Variants in SH3BGRL2 observed in about 807,000 individuals in gnomAD.
SH3BGRL2 encodes the protein SH3 domain-binding glutamic acid-rich-like protein 2.
In SH3BGRL2, 21 loss-of-function variants were observed where a neutral mutation model predicts 14.8. That is an observed-to-expected ratio of 1.42 (90% confidence interval 1.01 to 2.05). The LOEUF (loss-of-function observed/expected upper bound fraction) is 2.05, where lower values mean the gene tolerates loss of function less well. SH3BGRL2 is among the 30% of genes most tolerant of loss of function. The probability of loss-of-function intolerance (pLI) is 0.00; values close to 1 mark genes in which losing one functional copy is unlikely to be tolerated. For synonymous variants in SH3BGRL2, 50 were observed against 47.8 expected (o/e 1.05, Z -0.19); for missense variants, 147 against 130.8 (o/e 1.12, Z -0.61).
rs549206150 is a variant in SH3BGRL2, at chr6:79,684,793, GAGA to G, written c.231+10997_231+10999del. On this transcript the variant is annotated intron_variant, in intron 2 of 3. Transcript: ENST00000369838. ...CTATCCCACAGGTAGCATTTTCTTA[GAGA>G]AGTTTATCTGCATTTGAAAATCTGT... Among the ~76,000 whole-genome samples the G allele has an allele frequency of 5.2e-3, 795 of 152,280 alleles. 11 individuals carry two copies. The highest frequency in any genetic ancestry group is 0.018 in the African/African-American group (752 of 41,552).
At chr6:79,578,023 G>A in the SH3BGRL2 span, among the ~76,000 whole-genome samples, 10 of 152,238 alleles carry the variant, frequency 6.6e-5, no homozygotes, top group African/African-American at 9.6e-5. Flanking sequence ...CACTGCTAGC[G>A]CAGCAGTCTG....
the SH3BGRL2 span, among the ~76,000 whole-genome samples, chr6:79,549,291 G>A: frequency 6.6e-6 from 1 of 152,162 alleles, no homozygotes; most frequent in Non-Finnish European, 1.5e-5. Context: ...TCATAGGTAA[G>A]AGGAATCTTT....
chr6:79,695,346 C>T, intron 2 of SH3BGRL2, among the ~76,000 whole-genome samples: 1 of 152,240 alleles, frequency 6.6e-6, no homozygotes, highest in East Asian at 1.9e-4. Flanking sequence ...ATTGCTAAAG[C>T]TTTTGGAGAA....
the SH3BGRL2 span, among the ~76,000 whole-genome samples, chr6:79,617,616 A>G: frequency 6.6e-6 from 1 of 152,328 alleles, no homozygotes; most frequent in East Asian, 1.9e-4. Flanking sequence ...TTGTTTCATG[A>G]CATTGACTTT....
At chr6:79,686,492 C>T (rs1237939892) in intron 2 of SH3BGRL2, among the ~76,000 whole-genome samples, 2 of 152,208 alleles carry the variant, frequency 1.3e-5, no homozygotes, top group Admixed American at 6.5e-5. Flanking sequence ...TCTTCTAGAT[C>T]TCTAGCCTGG....
chr6:79,655,067 G>A (rs890450478), intron 1 of SH3BGRL2, among the ~76,000 whole-genome samples: 2 of 152,088 alleles, frequency 1.3e-5, no homozygotes, highest in Non-Finnish European at 2.9e-5. Flanking sequence ...TTTTTTTTGT[G>A]TGGGGGGGTC....
chr6:79,618,815 A>G, the SH3BGRL2 span, among the ~76,000 whole-genome samples: 2 of 149,834 alleles, frequency 1.3e-5, no homozygotes, highest in African/African-American at 2.5e-5. Flanking sequence ...GCTACTCGGG[A>G]GGCTGAGGCA....
At chr6:79,563,743 A>C in the SH3BGRL2 span, among the ~76,000 whole-genome samples, 7 of 152,172 alleles carry the variant, frequency 4.6e-5, no homozygotes, top group Non-Finnish European at 1.0e-4. Context: ...AGGTGAGACC[A>C]AAAAAAGAAT....
At chr6:79,541,956 A>G in the SH3BGRL2 span, among the ~76,000 whole-genome samples, 1 of 152,154 alleles carries the variant, frequency 6.6e-6, no homozygotes, top group Admixed American at 6.6e-5. Flanking sequence ...TTATTTTTTG[A>G]CTGCCTCTGC....
At position 79,680,607 on chromosome 6, in the gene SH3BGRL2, G is replaced by A. The variant is rs144120809; in HGVS notation, c.231+6808G>A. Among the ~76,000 whole-genome samples the A allele has an allele frequency of 3.9e-3, 595 of 151,938 alleles. 4 individuals are homozygous for A. The highest frequency in any genetic ancestry group is 0.013 in the African/African-American group (552 of 41,480). ...TAGGATGATTTTTTTTTCTATTTCT[G>A]CAAAAACTGCTGTTGAAATTTTAAT... On this transcript the variant is annotated intron_variant, in intron 2 of 3. Transcript: ENST00000369838.
intron 1 of SH3BGRL2, among the ~76,000 whole-genome samples, chr6:79,651,685 C>CA (rs1314000899): frequency 1.3e-5 from 2 of 152,128 alleles, no homozygotes; most frequent in African/African-American, 4.8e-5. Flanking sequence ...GTGATGTGCA[C>CA]ATTGTCTTCA....
At chr6:79,617,940 A>C in the SH3BGRL2 span, among the ~76,000 whole-genome samples, 1 of 152,252 alleles carries the variant, frequency 6.6e-6, no homozygotes. Context: ...ATTTCTGTGA[A>C]GCAGCCAGCA....
At chr6:79,582,281 A>C in the SH3BGRL2 span, among the ~76,000 whole-genome samples, 2 of 152,222 alleles carry the variant, frequency 1.3e-5, no homozygotes, top group Non-Finnish European at 2.9e-5. Context: ...GTTGGAAAAA[A>C]CTATTTTAAA....
intron 2 of SH3BGRL2, among the ~76,000 whole-genome samples, chr6:79,682,015 TAC>T (rs10551968): frequency 0.11 from 16,406 of 149,446 alleles, 1,165 homozygotes; most frequent in East Asian, 0.32. Context: ...ACACACACAC[TAC>T]ACACACACAC....
chr6:79,550,435 A>G, the SH3BGRL2 span, among the ~76,000 whole-genome samples: 1 of 152,186 alleles, frequency 6.6e-6, no homozygotes. Flanking sequence ...GCTTAGGTAG[A>G]TATATCTGTA....
chr6:79,658,406 C>T (rs767246375), intron 1 of SH3BGRL2, among the ~76,000 whole-genome samples: 27 of 152,256 alleles, frequency 1.8e-4, no homozygotes, highest in Middle Eastern at 3.4e-3. Context: ...GGTTTTCTGT[C>T]CTTGTGATAG....
the SH3BGRL2 span, among the ~76,000 whole-genome samples, chr6:79,545,033 T>A: frequency 6.6e-6 from 1 of 152,190 alleles, no homozygotes; most frequent in Non-Finnish European, 1.5e-5. Flanking sequence ...TCCCTCTAGT[T>A]CTATTTCTGG....
intron 1 of SH3BGRL2, among the ~76,000 whole-genome samples, chr6:79,650,324 A>G (rs1054731393): frequency 2.0e-5 from 3 of 152,146 alleles, no homozygotes; most frequent in East Asian, 1.9e-4. Flanking sequence ...GGAAGCTAAC[A>G]TTACTCAGTA....
chr6:79,604,546 G>T, the SH3BGRL2 span, among the ~76,000 whole-genome samples: 1 of 152,144 alleles, frequency 6.6e-6, no homozygotes, highest in South Asian at 2.1e-4. Context: ...AGACTGCATG[G>T]ACTCCTAATC....
Sources: allele counts gnomAD v4.1 joint callset (sites outside exome capture counted in the v4.1 genomes callset), GRCh38; gene constraint gnomAD v4.1.1; transcripts MANE v1.5; gene names NCBI Gene and HGNC (gene_info 2026-07-23, HGNC 2026-07-21).